The following MVB12B variants were observed in gnomAD, a reference collection of about 807,000 sequenced individuals.
The protein encoded by MVB12B is multivesicular body subunit 12B.
Under a neutral mutation model 41.6 loss-of-function variants are expected in MVB12B, and 16 were observed. The ratio of observed to expected loss-of-function variants is 0.38; its 90% CI spans 0.26 to 0.58. MVB12B has a LOEUF of 0.58. MVB12B is among the 20% of genes least tolerant of loss of function. The pLI is 0.62. For missense variants in MVB12B, 274 were observed against 380.2 expected (o/e 0.72, Z 2.32); for synonymous variants, 133 against 139.7 (o/e 0.95, Z 0.34).
At chr9:126,496,050 T>TGCTGCTACAAGGACTA (rs1275677552) in intron 9 of MVB12B, among the ~76,000 whole-genome samples, 2 of 152,144 alleles carry the variant, frequency 1.3e-5, no homozygotes, top group African/African-American at 4.8e-5. Flanking sequence ...GGCACAGTGC[T>TGCTGCTACAAGGACTA]GCTGCTACAA....
chr9:126,360,691 A>G lies in MVB12B; in HGVS notation c.204+20061A>G, dbSNP rs893231943. On this transcript the variant is annotated intron_variant, in intron 2 of 9. Coordinates refer to ENST00000361171, the MANE Select transcript of MVB12B (RefSeq NM_033446.3). ...GAGAAGGGTATTAAAATCTCTGACTATAATTGTGGATGAGTCTATTTTTTC... is the reference window on the plus strand; with the variant it reads ...GAGAAGGGTATTAAAATCTCTGACTGTAATTGTGGATGAGTCTATTTTTTC... Among the ~76,000 whole-genome samples, 4 of 152,346 alleles carry G rather than the reference A, an allele frequency of 2.6e-5. No homozygotes were observed. The East Asian group carries it at 5.8e-4, about 22-fold the overall frequency.
chr9:126,480,658 C>A lies in MVB12B; in HGVS notation c.758-711C>A, dbSNP rs931926400. ...GCACACTGGTGAGCCTCTAGTCAGC[C>A]CTTGATGCCCTGGGTCTGAGTGACT... On this transcript the variant is annotated intron_variant, in intron 7 of 9. Transcript: ENST00000361171. The surrounding 1 kb of genome is among the most constrained non-coding windows in gnomAD (Gnocchi z 4.9). Among the ~76,000 whole-genome samples the A allele has an allele frequency of 6.6e-6, 1 of 152,146 alleles. No homozygotes were observed. Among genetic ancestry groups the A allele is most frequent in the African/African-American group, 2.4e-5 (1 of 41,418 alleles).
intron 2 of MVB12B, among the ~76,000 whole-genome samples, chr9:126,370,379 CTT>C (rs375770122): frequency 1.1e-4 from 15 of 131,634 alleles, no homozygotes; most frequent in East Asian, 6.7e-4. Context: ...GGGAGGGGCT[CTT>C]TTTTTTTTTT....
chr9:126,330,041 C>T (rs115223520), intron 1 of MVB12B, among the ~76,000 whole-genome samples: 10 of 152,028 alleles, frequency 6.6e-5, no homozygotes, highest in African/African-American at 1.7e-4. Flanking sequence ...CTCCTGTCTC[C>T]GGCTGCCTGG....
At chr9:126,500,533 G>A (rs1833932064) in intron 9 of MVB12B, among the ~76,000 whole-genome samples, 1 of 152,182 alleles carries the variant, frequency 6.6e-6, no homozygotes, top group African/African-American at 2.4e-5. Context: ...CCAGCAGCAT[G>A]GGGTTACCTG....
At chr9:126,474,991 T>C (rs1029481102) in intron 7 of MVB12B, among the ~76,000 whole-genome samples, 1 of 152,204 alleles carries the variant, frequency 6.6e-6, no homozygotes, top group Non-Finnish European at 1.5e-5. Context: ...TGTAACCTTA[T>C]GATGCTCCGT....
intron 4 of MVB12B, among the ~76,000 whole-genome samples, chr9:126,387,949 C>T (rs1207843293): frequency 1.3e-5 from 2 of 152,220 alleles, no homozygotes; most frequent in African/African-American, 4.8e-5. Flanking sequence ...CACGGCGGCA[C>T]ACTGGAAGAG....
intron 1 of MVB12B, among the ~76,000 whole-genome samples, chr9:126,329,288 T>G (rs1369410068): frequency 1.3e-5 from 2 of 152,258 alleles, no homozygotes; most frequent in East Asian, 3.9e-4. Flanking sequence ...AGCTAATCAG[T>G]CAAGAAGAGC....
intron 1 of MVB12B, among the ~76,000 whole-genome samples, chr9:126,327,711 A>G (rs551758457): frequency 1.1e-4 from 17 of 152,296 alleles, no homozygotes; most frequent in Non-Finnish European, 1.9e-4. Context: ...ACCCAAGAGC[A>G]TCTTTTGTCC....
At chr9:126,407,571 C>T (rs1258988665) in intron 6 of MVB12B, among the ~76,000 whole-genome samples, 1 of 152,148 alleles carries the variant, frequency 6.6e-6, no homozygotes, top group African/African-American at 2.4e-5. Flanking sequence ...CCAAAATTGG[C>T]CTTGTTGGTG....
intron 9 of MVB12B, among the ~76,000 whole-genome samples, chr9:126,487,510 A>G (rs947318262): frequency 3.0e-4 from 46 of 152,370 alleles, no homozygotes; most frequent in African/African-American, 9.6e-4. Flanking sequence ...CTGTAATCCC[A>G]GCACTTTGGA....
At chr9:126,364,975 A>G (rs1219975078) in intron 2 of MVB12B, among the ~76,000 whole-genome samples, 3 of 151,628 alleles carry the variant, frequency 2.0e-5, no homozygotes, top group Admixed American at 1.3e-4. Flanking sequence ...GATGGTCTCT[A>G]TCTCCTGACC....
At chr9:126,374,595 T>G (rs969260745) in intron 2 of MVB12B, among the ~76,000 whole-genome samples, 1 of 152,250 alleles carries the variant, frequency 6.6e-6, no homozygotes, top group Non-Finnish European at 1.5e-5. Context: ...TCTGTGGCAC[T>G]GGCAGCCACC....
In MVB12B at chr9:126,376,244, GTTCTT is replaced by G. The variant is rs1830477444; in HGVS notation, c.205-4819_205-4815del. ...TTTAAAAACGTTTTCATAATACTCT[GTTCTT>G]GTTTGGTATTTGCAGTCTATTCACT... is the stretch of plus-strand genomic sequence containing the variant. On this transcript the variant is annotated intron_variant, in intron 2 of 9. Coordinates refer to ENST00000361171, the MANE Select transcript of MVB12B (RefSeq NM_033446.3). The surrounding 1 kb of genome is among the most constrained non-coding windows in gnomAD (Gnocchi z 4.1). 6.6e-6 allele frequency among the ~76,000 whole-genome samples: 1 copy of G among 152,066 alleles called. No individual in the cohort carries two copies. The highest frequency in any genetic ancestry group is 2.4e-5 in the African/African-American group (1 of 41,400).
chr9:126,491,468 G>A (rs566378522), intron 9 of MVB12B, among the ~76,000 whole-genome samples: 2 of 152,222 alleles, frequency 1.3e-5, no homozygotes, highest in South Asian at 4.1e-4. Context: ...AAAAATGTGC[G>A]GTCCCTTTGC....
At chr9:126,349,276 C>T (rs745472115) in intron 2 of MVB12B, among the ~76,000 whole-genome samples, 9 of 151,986 alleles carry the variant, frequency 5.9e-5, no homozygotes, top group Admixed American at 1.3e-4. Flanking sequence ...TGCAAGAGCC[C>T]GTGAAAGCAG....
intron 6 of MVB12B, among the ~76,000 whole-genome samples, chr9:126,400,567 G>C (rs909621143): frequency 6.6e-6 from 1 of 152,146 alleles, no homozygotes; most frequent in Non-Finnish European, 1.5e-5. Context: ...TACGTGTTAG[G>C]GTCACAGACA....
At chr9:126,411,466 G>A (rs1330666989) in intron 6 of MVB12B, among the ~76,000 whole-genome samples, 1 of 152,206 alleles carries the variant, frequency 6.6e-6, no homozygotes, top group Non-Finnish European at 1.5e-5. Flanking sequence ...TTGTGTGCCT[G>A]TTGATACTGG....
intron 8 of MVB12B, 61 bp downstream of exon 8, chr9:126,481,485 C>T: frequency 4.8e-6 from 6 of 1,259,428 alleles, no homozygotes; most frequent in Non-Finnish European, 7.0e-6. Flanking sequence ...GTCCCTCCAT[C>T]CTGATTTACA....
Sources: gnomAD v4.1 joint callset for allele counts (sites outside exome capture counted in the v4.1 genomes callset) on GRCh38, gnomAD v4.1.1 for gene constraint, Gnocchi (gnomAD v3.1) non-coding constraint, MANE v1.5 for transcripts, NCBI Gene and HGNC (gene_info 2026-07-23, HGNC 2026-07-21) for gene names.